FLNB: variants seen among roughly 807,000 people sequenced by gnomAD.
FLNB encodes filamin-B.
FLNB carries 111 observed loss-of-function variants against 250.6 expected under a neutral mutation model. The ratio of observed to expected loss-of-function variants is 0.44; its 90% CI spans 0.38 to 0.52. FLNB has a LOEUF of 0.52. FLNB is among the 20% of genes least tolerant of loss of function. FLNB has a pLI of 0.00. For missense variants in FLNB, 2,869 were observed against 3,447.8 expected (o/e 0.83, Z 4.20); for synonymous variants, 1,302 against 1,372.1 (o/e 0.95, Z 1.13).
At chr3:58,121,542 T>A (rs2097288746) in intron 20 of FLNB, 39 bp downstream of exon 20, 1 of 1,611,434 alleles carries the variant, frequency 6.2e-7, no homozygotes, top group South Asian at 1.1e-5. Context: ...GTCTCATTGC[T>A]GTCAAACATG....
intron 1 of FLNB, among the ~76,000 whole-genome samples, chr3:58,038,399 A>C (rs1392764879): frequency 6.6e-6 from 1 of 150,466 alleles, no homozygotes; most frequent in East Asian, 2.0e-4. Context: ...GTCAAGACTG[A>C]GTTAGTTCTT....
chr3:58,163,204 G>A lies in FLNB; in HGVS notation c.7072G>A (p.Asp2358Asn), dbSNP rs147116528. Residue 2358 changes from aspartate to asparagine, a missense_variant, in exon 43 of 46, where the codon GAT becomes AAT. Around this residue, in one of 5 missense-constraint regions of FLNB, gnomAD observed 1,084 missense variants for 1,315.5 expected, o/e 0.82. Coordinates refer to ENST00000295956, the MANE Select transcript of FLNB (RefSeq NM_001457.4). ...IPHENGVHTI[D>N]VKFNGSHVVG... Reference sequence around the variant, plus strand: ...TCATGAGAATGGTGTCCACACCATCGATGTCAAGTTCAATGGGAGCCACGT... The same window carrying A: ...TCATGAGAATGGTGTCCACACCATCAATGTCAAGTTCAATGGGAGCCACGT... 5.0e-6 allele frequency: 8 copies of A among 1,614,146 alleles called. No individual in the cohort carries two copies. The highest frequency in any genetic ancestry group is 1.1e-5 in the South Asian group (1 of 91,078).
chr3:58,038,823 G>A (rs1429691156), intron 1 of FLNB, among the ~76,000 whole-genome samples: 2 of 152,100 alleles, frequency 1.3e-5, no homozygotes, highest in Non-Finnish European at 2.9e-5. Context: ...AGGAAAGGCT[G>A]TGCTGACTGT....
intron 18 of FLNB, among the ~76,000 whole-genome samples, chr3:58,117,795 T>A (rs1427169799): frequency 1.1e-4 from 17 of 150,900 alleles, no homozygotes; most frequent in Admixed American, 2.0e-4. Flanking sequence ...AACCAGTTTT[T>A]TTTTTTTTTT....
intron 35 of FLNB, 52 bp from the exon 36 acceptor site, chr3:58,148,597 C>G (rs368266785): frequency 1.4e-5 from 21 of 1,492,196 alleles, no homozygotes; most frequent in Non-Finnish European, 2.0e-5. Context: ...TGTCTCTCTC[C>G]TGCTTCCTCT....
intron 1 of FLNB, among the ~76,000 whole-genome samples, chr3:58,039,469 T>A (rs1315480084): frequency 6.6e-6 from 1 of 152,010 alleles, no homozygotes. Context: ...TGCCCAGAGG[T>A]TCACAGCTGA....
rs78284017 is a variant in FLNB at position 58,053,861 on chromosome 3, C to T, written c.293-23185C>T. Among the ~76,000 whole-genome samples the T allele has an allele frequency of 6.9e-4, 105 of 152,272 alleles. 1 individual carries two copies. Among genetic ancestry groups the T allele is most frequent in the African/African-American group, 2.2e-3 (90 of 41,550 alleles). Reference sequence around the variant, plus strand: ...GTGCTAGGGACATGGCCTCGTCTTCCGCTATCTTAGAGTGAAGAAGTAAAG... The same window carrying T: ...GTGCTAGGGACATGGCCTCGTCTTCTGCTATCTTAGAGTGAAGAAGTAAAG... On this transcript the variant is annotated intron_variant, in intron 1 of 45. Transcript: ENST00000295956.
chr3:58,017,542 C>T (rs1299387899), intron 1 of FLNB, among the ~76,000 whole-genome samples: 3 of 152,096 alleles, frequency 2.0e-5, no homozygotes, highest in East Asian at 3.9e-4. Context: ...TGTGAGCCAT[C>T]GCGCCTGGCC....
In FLNB at chr3:58,100,373, A is replaced by AAAAAAAATATATATATATATATATATAT; in HGVS notation, c.1345+1466_1345+1467insAAAAAATATATATATATATATATATATA. Among the ~76,000 whole-genome samples, 109 of 104,332 alleles carry AAAAAAAATATATATATATATATATATAT rather than the reference A, an allele frequency of 1.0e-3. 1 individual carries two copies. The highest frequency in any genetic ancestry group is 1.6e-3 in the African/African-American group (35 of 21,910). The allele number at this position is 104,332 out of a possible 152,430, so 68.4% of individuals were successfully genotyped here. On this transcript the variant is annotated intron_variant, in intron 8 of 45. Coordinates refer to ENST00000295956, the MANE Select transcript of FLNB (RefSeq NM_001457.4). ...AATGATTTTACATATGTAAAAAAAAAATATATATATATTTGCAGGGGCGCG... is the reference window on the plus strand; with the variant it reads ...AATGATTTTACATATGTAAAAAAAAAAAAAAAATATATATATATATATATATATATATATATATATTTGCAGGGGCGCG...
In FLNB at chr3:58,077,146, A is replaced by C; in HGVS notation, c.393A>C (p.Glu131Asp). 6.2e-7 allele frequency: 1 copy of C among 1,614,094 alleles called. No homozygotes were observed. Among genetic ancestry groups the C allele is most frequent in the Non-Finnish European group, 8.5e-7 (1 of 1,180,002 alleles). Residue 131 changes from glutamate to aspartate, a missense_variant, in exon 2 of 46, where the codon GAA becomes GAC. This residue lies in a region of FLNB where 308 missense variants were observed against 466.1 expected (regional missense o/e 0.66). Coordinates refer to ENST00000295956, the MANE Select transcript of FLNB (RefSeq NM_001457.4). The part of the protein sequence containing the change: ...YSISMPVWED[E>D]GDDDAKKQTP... ...TCTCCATGCCCGTGTGGGAGGATGA[A>C]GGGGATGATGATGCCAAGAAGCAGA...
intron 3 of FLNB, among the ~76,000 whole-genome samples, chr3:58,079,580 A>G (rs937798728): frequency 1.3e-5 from 2 of 152,236 alleles, no homozygotes; most frequent in African/African-American, 4.8e-5. Flanking sequence ...CATGTAAGCC[A>G]GGATAATCCA....
chr3:58,095,002 T>C (rs1342627554), intron 5 of FLNB, 48 bp downstream of exon 5: 2 of 1,425,566 alleles, frequency 1.4e-6, no homozygotes, highest in Non-Finnish European at 2.0e-6. Context: ...CATGGAGCTT[T>C]TGGGGCTTGT....
intron 1 of FLNB, among the ~76,000 whole-genome samples, chr3:58,034,005 C>T (rs539142585): frequency 6.6e-6 from 1 of 152,002 alleles, no homozygotes; most frequent in Non-Finnish European, 1.5e-5. Context: ...GGATTACAGG[C>T]ATTTGCCACC....
At chr3:58,104,791 G>A (rs1419469080) in intron 10 of FLNB, among the ~76,000 whole-genome samples, 1 of 152,180 alleles carries the variant, frequency 6.6e-6, no homozygotes, top group Non-Finnish European at 1.5e-5. Context: ...AGTCTGGGGA[G>A]GCCTGCACAC....
chr3:58,140,740 C>G (rs1391799760), intron 29 of FLNB, among the ~76,000 whole-genome samples: 1 of 152,120 alleles, frequency 6.6e-6, no homozygotes, highest in Non-Finnish European at 1.5e-5. Flanking sequence ...TCCCGAGTAG[C>G]TGGGATTATA....
chr3:58,048,056 A>G (rs1057395852), intron 1 of FLNB, among the ~76,000 whole-genome samples: 4 of 152,190 alleles, frequency 2.6e-5, no homozygotes, highest in African/African-American at 9.7e-5. Flanking sequence ...CAGTAATAAC[A>G]TCTTGTGTAA....
At chr3:58,072,434 C>G (rs766565082) in intron 1 of FLNB, among the ~76,000 whole-genome samples, 1 of 152,198 alleles carries the variant, frequency 6.6e-6, no homozygotes, top group Non-Finnish European at 1.5e-5. Flanking sequence ...AGGTTCTGCT[C>G]CATGTTTTAC....
At chr3:58,012,334 G>A (rs144802264) in intron 1 of FLNB, among the ~76,000 whole-genome samples, 1 of 152,114 alleles carries the variant, frequency 6.6e-6, no homozygotes, top group African/African-American at 2.4e-5. Flanking sequence ...GCCATGGTTA[G>A]TATTATTATC....
chr3:58,075,262 A>G (rs1214921208), intron 1 of FLNB, among the ~76,000 whole-genome samples: 1 of 152,094 alleles, frequency 6.6e-6, no homozygotes, highest in Admixed American at 6.5e-5. Flanking sequence ...CTCCTCAACA[A>G]GCGGCTTAGT....
Sources: allele counts gnomAD v4.1 joint callset (sites outside exome capture counted in the v4.1 genomes callset), GRCh38; gene constraint gnomAD v4.1.1; regional missense constraint gnomAD v4.1.1; transcripts MANE v1.5; gene names NCBI Gene and HGNC (gene_info 2026-07-23, HGNC 2026-07-21).